The following PPEF1 variants were observed in gnomAD, a reference collection of about 807,000 sequenced individuals.
PPEF1 encodes serine/threonine-protein phosphatase with EF-hands 1.
A neutral mutation model predicts 53.3 loss-of-function variants in PPEF1; 12 were observed. That is an observed-to-expected ratio of 0.23 (90% CI 0.14 to 0.36). The LOEUF (loss-of-function observed/expected upper bound fraction) is 0.36. Ranked by LOEUF, PPEF1 falls within the 10% of genes least tolerant of loss-of-function variation. The pLI, the probability that PPEF1 is intolerant of heterozygous loss-of-function variation, is 1.00. For synonymous variants in PPEF1, 165 were observed against 176.7 expected (o/e 0.93, Z 0.52); for missense variants, 334 against 490.4 (o/e 0.68, Z 3.01).
chrX:18,749,284 A>G lies in PPEF1; in HGVS notation c.236-508A>G, dbSNP rs753475319. Among the ~76,000 whole-genome samples the G allele has an allele frequency of 4.4e-5, 5 of 112,650 alleles. No individual in the cohort carries two copies. The East Asian group carries it at 1.4e-3, about 31-fold the overall frequency. ...CATGTCAGAAAGTTTATTTTTAAGT[A>G]AAGAGAAAAACAAATCCGTTACAGC... On this transcript the variant is annotated intron_variant, in intron 3 of 15. Transcript: ENST00000470157.
In PPEF1 at chrX:18,774,697, G is replaced by A. The variant is rs756102573; in HGVS notation, c.559-4313G>A. ...TGCAAGTACTTTTCTATCACCCTGAGAACTTAATGTCTTGGCCACTGTAGA... is the reference window on the plus strand; with the variant it reads ...TGCAAGTACTTTTCTATCACCCTGAAAACTTAATGTCTTGGCCACTGTAGA... On this transcript the variant is annotated intron_variant, in intron 6 of 15. Transcript: ENST00000470157. Among the ~76,000 whole-genome samples, 14 of 112,179 alleles carry A rather than the reference G, an allele frequency of 1.2e-4. No individual in the cohort carries two copies. The East Asian group carries it at 3.9e-3, about 31-fold the overall frequency.
rs769547432 is a variant in PPEF1 at position 18,822,291 on chromosome X, C to T, written c.1502-1632C>T. On this transcript the variant is annotated intron_variant, in intron 13 of 15. Coordinates refer to ENST00000470157, the MANE Select transcript of PPEF1 (RefSeq NM_001377996.1). The stretch of plus-strand genomic sequence containing the variant: ...TGCACTGTCTACTAACAGAGACTAA[C>T]GTTATACGAGCTGCCAAAGAGGAAA... Among the ~76,000 whole-genome samples, 8 of 108,165 alleles carry T rather than the reference C, an allele frequency of 7.4e-5. No homozygotes were observed. The East Asian group carries it at 8.7e-4, about 12-fold the overall frequency. 93.9% of individuals were successfully genotyped at this position (108,165 alleles called of 115,157 possible).
intron 3 of PPEF1, among the ~76,000 whole-genome samples, chrX:18,738,026 G>C (rs768393489): frequency 9.1e-6 from 1 of 110,193 alleles, no homozygotes; most frequent in South Asian, 3.9e-4. Flanking sequence ...GTCTCTGCAC[G>C]TGAGATGGGT....
intron 3 of PPEF1, chrX:18,689,002 G>T (rs1405726982): frequency 9.0e-6 from 1 of 111,110 alleles, no homozygotes; most frequent in Non-Finnish European, 1.9e-5. Flanking sequence ...GCAGGCTTCA[G>T]AGAGGACAGA....
At chrX:18,813,133 C>T (rs1253772942) in intron 12 of PPEF1, among the ~76,000 whole-genome samples, 1 of 111,199 alleles carries the variant, frequency 9.0e-6, no homozygotes, top group Non-Finnish European at 1.9e-5. Flanking sequence ...GTAATCCTAG[C>T]ACTTTGAGAG....
At chrX:18,780,330 G>A (rs1277464115) in intron 7 of PPEF1, among the ~76,000 whole-genome samples, 1 of 112,199 alleles carries the variant, frequency 8.9e-6, no homozygotes, top group African/African-American at 3.2e-5. Flanking sequence ...AGCCATAGAG[G>A]GGGATGGGAA....
intron 1 of PPEF1, among the ~76,000 whole-genome samples, chrX:18,724,987 T>C (rs1351796633): frequency 9.0e-6 from 1 of 110,749 alleles, no homozygotes; most frequent in East Asian, 2.9e-4. Flanking sequence ...CCTGGAGAGG[T>C]TTCCTTGGGA....
In PPEF1 at chrX:18,694,236, G is replaced by T. The variant is rs747562490; in HGVS notation, c.-313+3142G>T. Among the ~76,000 whole-genome samples the T allele has an allele frequency of 3.6e-5, 4 of 111,777 alleles. No individual in the cohort carries two copies. The East Asian group carries it at 1.1e-3, about 32-fold the overall frequency. ...TTTAAGCTGTTTTCAATGTTTGACC[G>T]TATGAACCTGCATACACGTTTTTGC... On this transcript the variant is annotated intron_variant, in intron 4 of 21. Coordinates refer to the PPEF1 transcript ENST00000361511.
At chrX:18,751,522 G>A (rs1236608195) in intron 4 of PPEF1, among the ~76,000 whole-genome samples, 1 of 112,091 alleles carries the variant, frequency 8.9e-6, no homozygotes, top group African/African-American at 3.2e-5. Context: ...GCTCATGCTT[G>A]TAATCCCAAC....
At chrX:18,818,324 G>C (rs896399879) in intron 13 of PPEF1, among the ~76,000 whole-genome samples, 179 bp downstream of exon 13, 2 of 109,138 alleles carry the variant, frequency 1.8e-5, no homozygotes, top group Non-Finnish European at 3.8e-5. Flanking sequence ...CTCCCTTTTA[G>C]CAAGCTATTT....
Position 18,746,066 on chromosome X carries a change from G to A in PPEF1, c.236-3726G>A, listed in dbSNP as rs2045323470. On this transcript the variant is annotated intron_variant, in intron 3 of 15. Coordinates refer to ENST00000470157, the MANE Select transcript of PPEF1 (RefSeq NM_001377996.1). ...TAAAAGAAAAGATTGTGTGTAGGGG[G>A]TATTTTTGAGGTATTTTCTTTAGAA... 2.7e-5 allele frequency among the ~76,000 whole-genome samples: 3 copies of A among 111,556 alleles called. No homozygotes were observed. The Middle Eastern group carries it at 0.014, about 509-fold the overall frequency.
chrX:18,676,315 G>A (rs868741103), intron 1 of PPEF1, among the ~76,000 whole-genome samples: 5 of 110,920 alleles, frequency 4.5e-5, no homozygotes, highest in African/African-American at 1.6e-4. Context: ...CTTCCACGTA[G>A]GAAAACGGAG....
rs1232997524 is a variant in PPEF1, at chrX:18,700,560, C to G, written c.-123+125C>G. ...AGTATATCTTACTGCTTTGCAATTTCTCGGAATGATTGTTCTCAAAAATGC... is the reference window on the plus strand; with the variant it reads ...AGTATATCTTACTGCTTTGCAATTTGTCGGAATGATTGTTCTCAAAAATGC... On this transcript the variant is annotated intron_variant, in intron 6 of 21. Transcript: ENST00000361511. The G allele has an allele frequency of 1.8e-5, 2 of 110,933 alleles. 1 individual carries two copies. The allele number at this position is 110,933 out of a possible 1,213,427, so 9.1% of individuals were successfully genotyped here. A position where few individuals can be genotyped will look rare whatever the true frequency, so the allele number is the denominator to read the frequency against.
At position 18,756,809 on chromosome X, in the gene PPEF1, A is replaced by G. The variant is rs182534284; in HGVS notation, c.397-818A>G. The stretch of plus-strand genomic sequence containing the variant: ...TTTGTTAATTTAGCTTTTATAAAAA[A>G]GAAAACTTCCCCTTTAGACAACAGT... On this transcript the variant is annotated intron_variant, in intron 4 of 15. Transcript: ENST00000470157. Among the ~76,000 whole-genome samples, 107 of 112,654 alleles carry G rather than the reference A, an allele frequency of 9.5e-4. 1 individual carries two copies. The East Asian group carries it at 0.021, about 22-fold the overall frequency.
chrX:18,699,326 C>G (rs936402350), intron 5 of PPEF1, among the ~76,000 whole-genome samples: 6 of 111,388 alleles, frequency 5.4e-5, no homozygotes, highest in African/African-American at 2.0e-4. Context: ...CTAGATCTCC[C>G]GTGGCTCTCA....
intron 9 of PPEF1, among the ~76,000 whole-genome samples, chrX:18,787,592 A>G (rs2046231735): frequency 9.1e-6 from 1 of 109,790 alleles, no homozygotes; most frequent in African/African-American, 3.3e-5. Context: ...TACTTAAGAG[A>G]CCATGTGGCC....
At chrX:18,735,475 C>G (rs2044953860) in intron 3 of PPEF1, among the ~76,000 whole-genome samples, 1 of 111,512 alleles carries the variant, frequency 9.0e-6, no homozygotes, top group Non-Finnish European at 1.9e-5. Context: ...CTGTTCTGTT[C>G]CATTGGTCTA....
intron 3 of PPEF1, among the ~76,000 whole-genome samples, chrX:18,688,283 A>G (rs1382931765): frequency 8.9e-6 from 1 of 112,035 alleles, no homozygotes; most frequent in Non-Finnish European, 1.9e-5. Flanking sequence ...CACCAGGAGG[A>G]ATGTGCCACA....
chrX:18,746,384 G>A (rs1410049708), intron 3 of PPEF1, among the ~76,000 whole-genome samples: 1 of 111,977 alleles, frequency 8.9e-6, no homozygotes, highest in South Asian at 3.7e-4. Flanking sequence ...ATTTGACGTT[G>A]ACTAATACTT....
Sources: allele counts gnomAD v4.1 joint callset (sites outside exome capture counted in the v4.1 genomes callset), GRCh38; gene constraint gnomAD v4.1.1; transcripts MANE v1.5; gene names NCBI Gene and HGNC (gene_info 2026-07-23, HGNC 2026-07-21).